The following NTSR1 variants were observed in gnomAD, a reference collection of about 807,000 sequenced individuals.
NTSR1 encodes the protein neurotensin receptor type 1.
Under a neutral mutation model 31.2 loss-of-function variants are expected in NTSR1, and 29 were observed. The observed-to-expected ratio is 0.93, with a 90% CI of 0.69 to 1.27. The LOEUF is 1.27. Ranked by LOEUF, NTSR1 falls within the 50% of genes most tolerant of loss-of-function variation. The pLI is 0.00. For synonymous variants in NTSR1, 282 were observed against 269.9 expected (o/e 1.04, Z -0.44); for missense variants, 697 against 595.4 (o/e 1.17, Z -1.78).
intron 1 of NTSR1, among the ~76,000 whole-genome samples, chr20:62,738,743 A>G (rs2427437): frequency 1 from 152,353 of 152,360 alleles, 76,173 homozygotes; most frequent in Middle Eastern, 1. Context: ...GTCCAGGCTC[A>G]CGCTGGTCCT....
intron 1 of NTSR1, among the ~76,000 whole-genome samples, chr20:62,738,878 C>G (rs1225065696): frequency 6.6e-6 from 1 of 152,188 alleles, no homozygotes; most frequent in Admixed American, 6.5e-5. Flanking sequence ...AGGGCCAGCA[C>G]GAGAAGGGAA....
In NTSR1 at chr20:62,732,063, T is replaced by A. The variant is rs953641217; in HGVS notation, c.714+22142T>A. Among the ~76,000 whole-genome samples, 1 of 150,364 alleles carries A rather than the reference T, an allele frequency of 6.7e-6. No individual in the cohort carries two copies. Among genetic ancestry groups the A allele is most frequent in the African/African-American group, 2.5e-5 (1 of 40,688 alleles). ...TGAACCCAGGAGGCAGAGGCTGCAGTGAGCCAAGATTGTGTCACCATACTC... is the reference window on the plus strand; with the variant it reads ...TGAACCCAGGAGGCAGAGGCTGCAGAGAGCCAAGATTGTGTCACCATACTC... On this transcript the variant is annotated intron_variant, in intron 1 of 3. Transcript: ENST00000370501. This position sits in a 1 kb window ranked among gnomAD's most constrained non-coding sequence, Gnocchi z 4.0.
intron 1 of NTSR1, among the ~76,000 whole-genome samples, chr20:62,753,634 G>A (rs931028596): frequency 6.6e-6 from 1 of 152,350 alleles, no homozygotes; most frequent in East Asian, 1.9e-4. Flanking sequence ...GAACCCGCAA[G>A]TGTGGCAGCC....
intron 1 of NTSR1, among the ~76,000 whole-genome samples, chr20:62,734,717 C>T (rs1297321915): frequency 6.7e-6 from 1 of 148,378 alleles, no homozygotes; most frequent in Non-Finnish European, 1.5e-5. Flanking sequence ...GCCTGAAATC[C>T]GCACCGGGTT....
chr20:62,754,636 C>A, intron 1 of NTSR1, 49 bp from the exon 2 acceptor site: 1 of 1,477,600 alleles, frequency 6.8e-7, no homozygotes, highest in Non-Finnish European at 9.4e-7. Flanking sequence ...GCTGAGGGTG[C>A]ATGAGTCCCG....
At chr20:62,722,149 GGCA>G (rs1323688031) in intron 1 of NTSR1, among the ~76,000 whole-genome samples, 3 of 152,180 alleles carry the variant, frequency 2.0e-5, no homozygotes, top group African/African-American at 4.8e-5. Context: ...TATTTTAGCA[GGCA>G]GTTCAGTGGC....
intron 1 of NTSR1, among the ~76,000 whole-genome samples, chr20:62,735,980 C>G (rs1336059180): frequency 6.6e-6 from 1 of 152,224 alleles, no homozygotes; most frequent in Non-Finnish European, 1.5e-5. Context: ...TCAACTGTTC[C>G]CTTCATTACA....
intron 1 of NTSR1, among the ~76,000 whole-genome samples, chr20:62,747,767 A>G (rs897790222): frequency 4.2e-5 from 6 of 144,376 alleles, no homozygotes; most frequent in Non-Finnish European, 8.9e-5. Context: ...AACAAAAACA[A>G]AAACAAAAAA....
intron 1 of NTSR1, among the ~76,000 whole-genome samples, chr20:62,739,543 G>A (rs1002194988): frequency 1.3e-5 from 2 of 152,214 alleles, no homozygotes; most frequent in Non-Finnish European, 2.9e-5. Flanking sequence ...GGGTGTGAGG[G>A]GCCGCCCCCG....
At chr20:62,750,563 C>T (rs921335769) in intron 1 of NTSR1, among the ~76,000 whole-genome samples, 3 of 151,886 alleles carry the variant, frequency 2.0e-5, no homozygotes, top group East Asian at 1.9e-4. Flanking sequence ...TGGTGGCGGG[C>T]GCCTGTAGTC....
intron 1 of NTSR1, among the ~76,000 whole-genome samples, chr20:62,719,794 A>C (rs1308073460): frequency 6.6e-6 from 1 of 152,204 alleles, no homozygotes; most frequent in Non-Finnish European, 1.5e-5. Context: ...GTCTATGCTC[A>C]TGAGAAATAT....
intron 1 of NTSR1, among the ~76,000 whole-genome samples, chr20:62,754,071 G>A (rs571016544): frequency 5.3e-5 from 8 of 152,346 alleles, no homozygotes; most frequent in Admixed American, 3.9e-4. Context: ...TGATGACCCA[G>A]CCTTGTGGGT....
chr20:62,717,990 C>T (rs1433414643), intron 1 of NTSR1, among the ~76,000 whole-genome samples: 1 of 152,102 alleles, frequency 6.6e-6, no homozygotes, highest in Non-Finnish European at 1.5e-5. Context: ...CCTGCAGGAG[C>T]ACTCCGGTGG....
rs1989608052 is a variant in NTSR1, at chr20:62,760,778, A to ACCCATGCC, written c.*515_*522dup. ...CTCACGTGCAGACCCTGCCATGCAGACCCATGCCCCCCTCCCCCAGGCAGC... is the reference window on the plus strand; with the variant it reads ...CTCACGTGCAGACCCTGCCATGCAGACCCATGCCCCCATGCCCCCCTCCCCCAGGCAGC... On this transcript the variant is annotated 3_prime_UTR_variant, in exon 4 of 4. Coordinates refer to ENST00000370501, the MANE Select transcript of NTSR1 (RefSeq NM_002531.3). The ACCCATGCC allele has an allele frequency of 6.5e-6, 1 of 152,872 alleles. No homozygotes were observed. Among genetic ancestry groups the ACCCATGCC allele is most frequent in the Non-Finnish European group, 1.5e-5 (1 of 68,746 alleles). The allele number at this position is 152,872 out of a possible 1,614,324, so 9.5% of individuals were successfully genotyped here. A position where few individuals can be genotyped will look rare whatever the true frequency, so the allele number is the denominator to read the frequency against.
At chr20:62,753,327 C>T (rs141772522) in intron 1 of NTSR1, among the ~76,000 whole-genome samples, 354 of 152,322 alleles carry the variant, frequency 2.3e-3, no homozygotes, top group Non-Finnish European at 4.3e-3. Flanking sequence ...CCTTCATTAG[C>T]GAGACACGGC....
In NTSR1 at chr20:62,715,329, C is replaced by T. The variant is rs547511152; in HGVS notation, c.714+5408C>T. Among the ~76,000 whole-genome samples the T allele has an allele frequency of 6.6e-6, 1 of 152,242 alleles. No individual in the cohort carries two copies. Among genetic ancestry groups the T allele is most frequent in the South Asian group, 2.1e-4 (1 of 4,822 alleles). ...GAGGACGTGCAGACATGCGGGTCCA[C>T]CTCTGTACCCCGTAACCCCGTTTCC... On this transcript the variant is annotated intron_variant, in intron 1 of 3. Coordinates refer to ENST00000370501, the MANE Select transcript of NTSR1 (RefSeq NM_002531.3). This position sits in a 1 kb window ranked among gnomAD's most constrained non-coding sequence, Gnocchi z 4.7.
chr20:62,742,903 G>A lies in NTSR1; in HGVS notation c.715-11782G>A, dbSNP rs1239417876. Among the ~76,000 whole-genome samples the A allele has an allele frequency of 6.7e-6, 1 of 149,640 alleles. No individual in the cohort carries two copies. Among genetic ancestry groups the A allele is most frequent in the Non-Finnish European group, 1.5e-5 (1 of 68,020 alleles). On this transcript the variant is annotated intron_variant, in intron 1 of 3. Transcript: ENST00000370501. This position sits in a 1 kb window ranked among gnomAD's most constrained non-coding sequence, Gnocchi z 7.1. Reference sequence around the variant, plus strand: ...CACAGTGGCTCTGGTGTGGCCGTGGGGTTCCTGTTCATCCCAGGGCACCTG... The same window carrying A: ...CACAGTGGCTCTGGTGTGGCCGTGGAGTTCCTGTTCATCCCAGGGCACCTG...
intron 1 of NTSR1, among the ~76,000 whole-genome samples, chr20:62,710,846 C>T (rs955531627): frequency 6.6e-6 from 1 of 152,090 alleles, no homozygotes; most frequent in Non-Finnish European, 1.5e-5. Context: ...AAATGAGCAG[C>T]CTTAGAAGTG....
chr20:62,746,956 C>T (rs1210782639), intron 1 of NTSR1, among the ~76,000 whole-genome samples: 3 of 152,264 alleles, frequency 2.0e-5, no homozygotes, highest in African/African-American at 4.8e-5. Context: ...CAGAGAAGGA[C>T]GCTATGAGAA....
Sources: allele counts gnomAD v4.1 joint callset (sites outside exome capture counted in the v4.1 genomes callset), GRCh38; gene constraint gnomAD v4.1.1; non-coding constraint Gnocchi (gnomAD v3.1); transcripts MANE v1.5; gene names NCBI Gene and HGNC (gene_info 2026-07-23, HGNC 2026-07-21).